C1QTNF7: variants seen among roughly 807,000 people sequenced by gnomAD.
C1QTNF7 encodes the protein C1q and TNF related 7.
C1QTNF7 carries 15 observed loss-of-function variants against 19.6 expected under a neutral mutation model. The ratio of observed to expected loss-of-function variants is 0.76; its 90% CI spans 0.51 to 1.18. C1QTNF7 has a LOEUF of 1.18. Ranked by LOEUF, C1QTNF7 falls within the 50% of genes most tolerant of loss-of-function variation. The probability of loss-of-function intolerance (pLI) is 0.00; values close to 1 mark genes in which losing one functional copy is unlikely to be tolerated. For synonymous variants in C1QTNF7, 142 were observed against 137.5 expected (o/e 1.03, Z -0.23); for missense variants, 324 against 359.7 (o/e 0.90, Z 0.80).
chr4:15,366,575 CCTCA>C (rs1717532186), intron 1 of C1QTNF7, among the ~76,000 whole-genome samples: 1 of 152,048 alleles, frequency 6.6e-6, no homozygotes, highest in African/African-American at 2.4e-5. Context: ...TTTTCTTTTT[CCTCA>C]CTTTTTTCCC....
At chr4:15,424,636 G>A (rs1226910944), upstream of C1QTNF7, among the ~76,000 whole-genome samples, 1 of 152,126 alleles carries the variant, frequency 6.6e-6, no homozygotes, top group Non-Finnish European at 1.5e-5. Context: ...CCCTCTTGGG[G>A]AGTGCATATA....
At position 15,347,624 on chromosome 4, in the gene C1QTNF7, A is replaced by T. The variant is rs187916865; in HGVS notation, c.13+7417A>T. Reference sequence around the variant, plus strand: ...AGTGGCTGCCTGAAGCCCTGTACTGAGAAAGAATCTGAACCCTATCTGGAA... The same window carrying T: ...AGTGGCTGCCTGAAGCCCTGTACTGTGAAAGAATCTGAACCCTATCTGGAA... On this transcript the variant is annotated intron_variant, in intron 1 of 2. Transcript: ENST00000295297. 5.3e-5 allele frequency among the ~76,000 whole-genome samples: 8 copies of T among 152,290 alleles called. No individual in the cohort carries two copies. In the East Asian group the frequency reaches 1.5e-3, roughly 29 times the overall value.
chr4:15,404,491 A>C (rs1449461731), intron 1 of C1QTNF7, among the ~76,000 whole-genome samples: 1 of 152,254 alleles, frequency 6.6e-6, no homozygotes, highest in African/African-American at 2.4e-5. Context: ...AGTATTTAGA[A>C]TACAGCAAGT....
intron 1 of C1QTNF7, among the ~76,000 whole-genome samples, chr4:15,399,054 C>A (rs536901883): frequency 6.6e-6 from 1 of 152,112 alleles, no homozygotes; most frequent in Non-Finnish European, 1.5e-5. Context: ...GTTCTTCCCC[C>A]ACCAGTCTAG....
intron 1 of C1QTNF7, among the ~76,000 whole-genome samples, chr4:15,402,155 G>A (rs948102330): frequency 2.0e-5 from 3 of 152,136 alleles, no homozygotes; most frequent in African/African-American, 7.2e-5. Flanking sequence ...TATCACAAGC[G>A]GAGCCTGGCA....
chr4:15,412,897 T>A (rs1484389809), intron 1 of C1QTNF7, among the ~76,000 whole-genome samples: 1 of 152,158 alleles, frequency 6.6e-6, no homozygotes, highest in Non-Finnish European at 1.5e-5. Flanking sequence ...TCCCTCTCAG[T>A]TTTTGAGCCC....
chr4:15,346,871 C>G (rs541208643), intron 1 of C1QTNF7, among the ~76,000 whole-genome samples: 1 of 152,204 alleles, frequency 6.6e-6, no homozygotes, highest in South Asian at 2.1e-4. Flanking sequence ...CCACTCTCCT[C>G]CATATTCCCA....
chr4:15,378,226 C>A (rs1354602132), intron 1 of C1QTNF7, among the ~76,000 whole-genome samples: 1 of 152,174 alleles, frequency 6.6e-6, no homozygotes, highest in Admixed American at 6.5e-5. Context: ...CGAAACAAAG[C>A]CATGATTAAG....
chr4:15,436,484 C>A (rs889136372), intron 2 of C1QTNF7, among the ~76,000 whole-genome samples: 1 of 152,204 alleles, frequency 6.6e-6, no homozygotes, highest in Non-Finnish European at 1.5e-5. Context: ...ATATCCTGAA[C>A]AAAGATACAT....
intron 1 of C1QTNF7, among the ~76,000 whole-genome samples, chr4:15,414,155 C>T (rs1719505474): frequency 6.6e-6 from 1 of 152,106 alleles, no homozygotes; most frequent in African/African-American, 2.4e-5. Flanking sequence ...ATCCTTGAAG[C>T]TCAAACTTAA....
chr4:15,369,000 G>A (rs1717629549), intron 1 of C1QTNF7, among the ~76,000 whole-genome samples: 2 of 152,188 alleles, frequency 1.3e-5, no homozygotes, highest in Admixed American at 6.5e-5. Flanking sequence ...ATGTAAAAAA[G>A]AAAAAAATTG....
At chr4:15,382,709 T>A (rs531019517) in intron 1 of C1QTNF7, among the ~76,000 whole-genome samples, 18 of 152,296 alleles carry the variant, frequency 1.2e-4, no homozygotes, top group African/African-American at 4.3e-4. Flanking sequence ...CTTCTCAAAC[T>A]CCCATCTGAT....
At chr4:15,360,231 T>G (rs921365406) in intron 1 of C1QTNF7, among the ~76,000 whole-genome samples, 1 of 152,050 alleles carries the variant, frequency 6.6e-6, no homozygotes, top group Non-Finnish European at 1.5e-5. Context: ...AACTAACCCA[T>G]CGATCTTTTA....
chr4:15,393,919 A>C (rs1339203378), intron 1 of C1QTNF7, among the ~76,000 whole-genome samples: 1 of 152,186 alleles, frequency 6.6e-6, no homozygotes, highest in Non-Finnish European at 1.5e-5. Context: ...TAGACAGATA[A>C]GAAACCAGTA....
At chr4:15,362,699 T>G (rs558201373) in intron 1 of C1QTNF7, among the ~76,000 whole-genome samples, 1 of 152,204 alleles carries the variant, frequency 6.6e-6, no homozygotes. Flanking sequence ...TGACAGAGCA[T>G]TTACAGCCCA....
At chr4:15,343,922 T>C (rs530363653) in intron 1 of C1QTNF7, among the ~76,000 whole-genome samples, 184 of 152,326 alleles carry the variant, frequency 1.2e-3, no homozygotes, top group African/African-American at 4.2e-3. Context: ...CTGCCTGCAG[T>C]CTTTCAGGAC....
At chr4:15,392,970 T>C (rs753317715) in intron 1 of C1QTNF7, among the ~76,000 whole-genome samples, 1 of 152,156 alleles carries the variant, frequency 6.6e-6, no homozygotes, top group African/African-American at 2.4e-5. Context: ...ATAATTTGAC[T>C]GTGTCCCCAC....
intron 1 of C1QTNF7, among the ~76,000 whole-genome samples, chr4:15,420,525 G>T (rs143357846): frequency 6.6e-6 from 1 of 152,170 alleles, no homozygotes; most frequent in Non-Finnish European, 1.5e-5. Flanking sequence ...CATTTTTTGA[G>T]TTTGAGTAGC....
Position 15,408,142 on chromosome 4 carries a change from G to A in C1QTNF7, c.14-27594G>A, listed in dbSNP as rs534375927. ...AACAAAATTAGCCAAGCATGGTGGC[G>A]CACGCCTGTAGTCCCAGCTACTCGG... is the stretch of plus-strand genomic sequence containing the variant. On this transcript the variant is annotated intron_variant, in intron 1 of 2. Transcript: ENST00000295297. Among the ~76,000 whole-genome samples, 37 of 151,440 alleles carry A rather than the reference G, an allele frequency of 2.4e-4. No homozygotes were observed. The South Asian group carries it at 3.5e-3, about 15-fold the overall frequency.
Sources: allele counts gnomAD v4.1 joint callset (sites outside exome capture counted in the v4.1 genomes callset), GRCh38; gene constraint gnomAD v4.1.1; transcripts MANE v1.5; gene names NCBI Gene and HGNC (gene_info 2026-07-23, HGNC 2026-07-21).